Variants in TCF7L2 observed in about 807,000 individuals in gnomAD.
TCF7L2 encodes the protein transcription factor 7 like 2, also known as transcription factor 7-like 2.
A neutral mutation model predicts 77.9 loss-of-function variants in TCF7L2; 23 were observed. The ratio of observed to expected loss-of-function variants is 0.30; its 90% CI spans 0.21 to 0.42. The LOEUF (loss-of-function observed/expected upper bound fraction) is 0.42. Ranked by LOEUF, TCF7L2 falls within the 10% of genes least tolerant of loss-of-function variation. The pLI, the probability that TCF7L2 is intolerant of heterozygous loss-of-function variation, is 1.00. For synonymous variants in TCF7L2, 413 were observed against 340.2 expected (o/e 1.21, Z -2.36); for missense variants, 654 against 793.1 (o/e 0.82, Z 2.11).
chr10:113,126,896 C>T lies in TCF7L2; in HGVS notation c.553-14288C>T, dbSNP rs544238379. 1,556 of 985,272 alleles carry T rather than the reference C, an allele frequency of 1.6e-3. 25 individuals are homozygous for T. In the African/African-American group the frequency reaches 0.026, roughly 16 times the overall value. The allele number at this position is 985,272 out of a possible 1,614,324, so 61.0% of individuals were successfully genotyped here. A position where few individuals can be genotyped will look rare whatever the true frequency, so the allele number is the denominator to read the frequency against. ...CTCTCTAGATGGTAAGCGCGGCCGG[C>T]GGCGGGCGGGCGGGCAGGGGTGCGC... is the stretch of plus-strand genomic sequence containing the variant. On this transcript the variant is annotated intron_variant, in intron 5 of 13. Transcript: ENST00000627217.
chr10:113,030,182 T>A (rs1045683258), intron 4 of TCF7L2, among the ~76,000 whole-genome samples: 7 of 152,244 alleles, frequency 4.6e-5, no homozygotes, highest in Admixed American at 2.6e-4. Flanking sequence ...CATGAAACTT[T>A]CTTCATCTGC....
At chr10:113,023,211 C>A (rs974523827) in intron 4 of TCF7L2, among the ~76,000 whole-genome samples, 5 of 152,122 alleles carry the variant, frequency 3.3e-5, no homozygotes, top group African/African-American at 1.2e-4. Flanking sequence ...GGCTTTGTGC[C>A]CCGGTGTCTG....
chr10:113,014,604 G>A (rs1161975098), intron 4 of TCF7L2, among the ~76,000 whole-genome samples: 2 of 151,900 alleles, frequency 1.3e-5, no homozygotes, highest in Admixed American at 6.6e-5. Flanking sequence ...GACCAACATG[G>A]CGAAACCCCG....
chr10:113,085,402 C>G (rs1380046221), intron 5 of TCF7L2, among the ~76,000 whole-genome samples: 4 of 151,998 alleles, frequency 2.6e-5, no homozygotes, highest in Non-Finnish European at 5.9e-5. Flanking sequence ...AAATTCTCAT[C>G]TCTGGAGGCC....
chr10:112,997,445 T>C (rs1590188683), intron 4 of TCF7L2, among the ~76,000 whole-genome samples: 1 of 152,020 alleles, frequency 6.6e-6, no homozygotes, highest in African/African-American at 2.4e-5. Context: ...GGGAGAGGGG[T>C]TGGGGTCCCC....
chr10:112,987,461 TCTC>T (rs2041766243), intron 4 of TCF7L2: 1 of 146,298 alleles, frequency 6.8e-6, no homozygotes, highest in African/African-American at 2.5e-5. Context: ...AATAAACAAA[TCTC>T]CTTTTACTAC....
chr10:112,962,521 C>A (rs536995386), intron 3 of TCF7L2, among the ~76,000 whole-genome samples: 2 of 152,174 alleles, frequency 1.3e-5, no homozygotes, highest in African/African-American at 4.8e-5. Context: ...TACTGACTGG[C>A]AGTTTTTACA....
intron 4 of TCF7L2, among the ~76,000 whole-genome samples, chr10:113,028,678 G>A (rs183667278): frequency 2.6e-5 from 4 of 152,276 alleles, no homozygotes; most frequent in East Asian, 1.9e-4. Flanking sequence ...CTCTTTGACC[G>A]CCAAGTCTTT....
At chr10:113,140,778 G>T (rs1481799618) in intron 5 of TCF7L2, among the ~76,000 whole-genome samples, 1 of 152,148 alleles carries the variant, frequency 6.6e-6, no homozygotes, top group Non-Finnish European at 1.5e-5. Context: ...ATGGTCCCCT[G>T]TGCAGCCTGC....
At chr10:113,071,269 GT>G (rs910477423) in intron 5 of TCF7L2, among the ~76,000 whole-genome samples, 4 of 152,268 alleles carry the variant, frequency 2.6e-5, no homozygotes, top group African/African-American at 9.6e-5. Context: ...TGTTTGCTGG[GT>G]TAGCCCAGGA....
At chr10:113,129,072 C>CT (rs1488233930) in intron 5 of TCF7L2, 1 of 153,562 alleles carries the variant, frequency 6.5e-6, no homozygotes, top group Admixed American at 6.5e-5. Flanking sequence ...TCTTCTGCTT[C>CT]CAGGGAGGTC....
At chr10:113,076,135 C>CAA (rs34089010) in intron 5 of TCF7L2, among the ~76,000 whole-genome samples, 1,968 of 65,600 alleles carry the variant, frequency 0.03, 98 homozygotes, top group African/African-American at 0.086. Flanking sequence ...GACTCCATCT[C>CAA]AAAAAAAAAA....
chr10:113,121,191 C>T (rs2064712208), intron 5 of TCF7L2, among the ~76,000 whole-genome samples: 2 of 152,134 alleles, frequency 1.3e-5, no homozygotes, highest in African/African-American at 4.8e-5. Flanking sequence ...GATACCTTTA[C>T]CAAAATTGTT....
chr10:112,957,188 AC>A (rs2033873114), intron 3 of TCF7L2, among the ~76,000 whole-genome samples: 6 of 48,816 alleles, frequency 1.2e-4, no homozygotes, highest in Admixed American at 2.4e-4. Flanking sequence ...CAACACCCCC[AC>A]CTTTTTTTTT....
intron 4 of TCF7L2, among the ~76,000 whole-genome samples, chr10:112,965,098 T>C (rs1360036059): frequency 6.6e-6 from 1 of 152,072 alleles, no homozygotes; most frequent in Non-Finnish European, 1.5e-5. Context: ...GGGTTGTTTC[T>C]GGTGGATCAA....
At position 113,165,824 on chromosome 10, in the gene TCF7L2, G is replaced by T. The variant is rs1362581606; in HGVS notation, c.1661G>T (p.Gly554Val). The stretch of plus-strand genomic sequence containing the variant: ...AAGGCCTCCGCCCTCTGTCCCAACG[G>T]GGCCCTGGACCTGCCCCCAGCCGCT... The change falls in exon 14 of 14, where the codon GGG (glycine) becomes GTG (valine). Residue 554 changes from glycine (G) to valine (V), a missense_variant. By Grantham distance (109) the Gly-to-Val change is moderately radical. Transcript: ENST00000627217. The T allele has an allele frequency of 1.2e-6, 2 of 1,606,452 alleles. No homozygotes were observed. Among genetic ancestry groups the T allele is most frequent in the Non-Finnish European group, 1.7e-6 (2 of 1,175,624 alleles).
At chr10:113,136,457 C>T (rs1412626737) in intron 5 of TCF7L2, among the ~76,000 whole-genome samples, 3 of 152,074 alleles carry the variant, frequency 2.0e-5, no homozygotes, top group Non-Finnish European at 4.4e-5. Flanking sequence ...TCGGAGAATC[C>T]GTTGTCATCA....
chr10:113,091,226 A>G (rs555137352), intron 5 of TCF7L2, among the ~76,000 whole-genome samples: 1 of 152,176 alleles, frequency 6.6e-6, no homozygotes, highest in African/African-American at 2.4e-5. Flanking sequence ...ATTTGGATAC[A>G]TTTCCACATT....
At chr10:112,973,908 A>T (rs895500462) in intron 4 of TCF7L2, among the ~76,000 whole-genome samples, 9 of 152,154 alleles carry the variant, frequency 5.9e-5, no homozygotes, top group African/African-American at 2.2e-4. Context: ...ATTGTTTTGT[A>T]GAGACGGGTC....
Sources: allele counts gnomAD v4.1 joint callset (sites outside exome capture counted in the v4.1 genomes callset), GRCh38; gene constraint gnomAD v4.1.1; transcripts MANE v1.5; gene names NCBI Gene and HGNC (gene_info 2026-07-23, HGNC 2026-07-21).